AGBL4: variants seen among roughly 807,000 people sequenced by gnomAD.
AGBL4 encodes the protein cytosolic carboxypeptidase 6.
A neutral mutation model predicts 66.4 loss-of-function variants in AGBL4; 58 were observed. The observed-to-expected ratio is 0.87, with a 90% confidence interval of 0.71 to 1.09. The LOEUF is 1.09. Ranked by LOEUF, AGBL4 falls within the 50% of genes least tolerant of loss-of-function variation. AGBL4 has a pLI of 0.00. For missense variants in AGBL4, 579 were observed against 631.0 expected, an observed-to-expected ratio of 0.92 and a Z score of 0.88; for synonymous variants, 234 against 222.9, an observed-to-expected ratio of 1.05 and a Z score of -0.44.
chr1:48,590,559 AC>A (rs1290293910), intron 10 of AGBL4, among the ~76,000 whole-genome samples: 1 of 152,148 alleles, frequency 6.6e-6, no homozygotes, highest in Non-Finnish European at 1.5e-5. Context: ...CTGTCTCAAA[AC>A]AAAACAAAAC....
intron 3 of AGBL4, among the ~76,000 whole-genome samples, chr1:49,336,323 A>T (rs951378937): frequency 6.6e-6 from 1 of 152,202 alleles, no homozygotes; most frequent in Non-Finnish European, 1.5e-5. Flanking sequence ...AATTCCATCT[A>T]TTTAGACTTT....
chr1:48,896,688 T>C (rs1185316805), intron 5 of AGBL4, among the ~76,000 whole-genome samples: 1 of 152,126 alleles, frequency 6.6e-6, no homozygotes, highest in Non-Finnish European at 1.5e-5. Context: ...GCAGGTGTGG[T>C]GCTACCTCAG....
At chr1:49,369,003 G>C (rs1644291143) in intron 3 of AGBL4, among the ~76,000 whole-genome samples, 1 of 151,996 alleles carries the variant, frequency 6.6e-6, no homozygotes, top group Non-Finnish European at 1.5e-5. Flanking sequence ...TGAACCTGGT[G>C]GGGGCGGAGG....
intron 6 of AGBL4, among the ~76,000 whole-genome samples, chr1:48,742,946 G>T (rs1934393): frequency 2.0e-5 from 3 of 152,032 alleles, no homozygotes; most frequent in South Asian, 2.1e-4. Context: ...AATGTCACAA[G>T]GGAAAAGGTG....
intron 3 of AGBL4, among the ~76,000 whole-genome samples, chr1:49,682,528 T>C (rs1251403350): frequency 1.3e-5 from 2 of 152,236 alleles, no homozygotes; most frequent in African/African-American, 4.8e-5. Context: ...GCTTATTCAA[T>C]GTAGGTCATT....
At chr1:49,017,831 T>C (rs142310068) in intron 5 of AGBL4, among the ~76,000 whole-genome samples, 78 of 152,304 alleles carry the variant, frequency 5.1e-4, no homozygotes, top group African/African-American at 1.8e-3. Flanking sequence ...GCACTAACCC[T>C]GGGGAAACTT....
chr1:49,702,877 T>A (rs1647126543), intron 2 of AGBL4, among the ~76,000 whole-genome samples: 1 of 151,930 alleles, frequency 6.6e-6, no homozygotes, highest in South Asian at 2.1e-4. Context: ...ATAAAAAAAA[T>A]CTGACAAAAT....
intron 4 of AGBL4, among the ~76,000 whole-genome samples, chr1:49,194,638 G>C (rs1380545971): frequency 3.3e-5 from 5 of 152,062 alleles, no homozygotes; most frequent in African/African-American, 1.2e-4. Flanking sequence ...TGTCACCCAG[G>C]TGGGATGGAG....
In AGBL4 at chr1:49,651,720, TCAAA is replaced by T. The variant is rs546255470; in HGVS notation, c.282+45589_282+45592del. On this transcript the variant is annotated intron_variant, in intron 3 of 13. Coordinates refer to ENST00000371839, the MANE Select transcript of AGBL4 (RefSeq NM_032785.4). ...CAAATTAAAAAAAAAGAAATCCCAC[TCAAA>T]CAACAGCAAATTCAAAATAAGAAGT... Among the ~76,000 whole-genome samples, 171 of 151,808 alleles carry T rather than the reference TCAAA, an allele frequency of 1.1e-3. 1 individual carries two copies. The highest frequency in any genetic ancestry group is 4.0e-3 in the African/African-American group (167 of 41,402).
At chr1:49,914,470 T>C (rs1386455676) in intron 1 of AGBL4, among the ~76,000 whole-genome samples, 2 of 152,206 alleles carry the variant, frequency 1.3e-5, no homozygotes, top group East Asian at 1.9e-4. Flanking sequence ...TGTCTATATA[T>C]CTACCAAAAT....
At chr1:48,828,070 C>A (rs1231247885) in intron 6 of AGBL4, among the ~76,000 whole-genome samples, 4 of 149,880 alleles carry the variant, frequency 2.7e-5, no homozygotes, top group African/African-American at 9.8e-5. Context: ...GTGGTATGCA[C>A]CTGTAGTCCC....
At chr1:48,926,022 G>C (rs1305558355) in intron 5 of AGBL4, among the ~76,000 whole-genome samples, 5 of 152,192 alleles carry the variant, frequency 3.3e-5, no homozygotes, top group Non-Finnish European at 7.3e-5. Context: ...CCTGTGGTTA[G>C]ATGAATGAGG....
intron 1 of AGBL4, among the ~76,000 whole-genome samples, chr1:49,964,206 A>G (rs1390525944): frequency 1.3e-5 from 2 of 152,114 alleles, no homozygotes; most frequent in Non-Finnish European, 2.9e-5. Context: ...CATATAATGT[A>G]ATGGTGAAGA....
At chr1:49,062,971 G>A (rs968252560) in intron 4 of AGBL4, among the ~76,000 whole-genome samples, 3 of 152,114 alleles carry the variant, frequency 2.0e-5, no homozygotes, top group Non-Finnish European at 2.9e-5. Context: ...CTGAATTCAT[G>A]TATTTCACAA....
chr1:49,768,615 T>C (rs1406379312), intron 2 of AGBL4, among the ~76,000 whole-genome samples: 1 of 152,090 alleles, frequency 6.6e-6, no homozygotes, highest in African/African-American at 2.4e-5. Flanking sequence ...AGAACCAGAA[T>C]GCGACAAGGA....
chr1:49,057,965 T>C (rs1644336229), intron 4 of AGBL4, among the ~76,000 whole-genome samples: 1 of 152,150 alleles, frequency 6.6e-6, no homozygotes, highest in Admixed American at 6.5e-5. Context: ...CATTTCTAGG[T>C]CCATGATTGG....
chr1:49,124,944 A>G (rs1263036627), intron 4 of AGBL4, among the ~76,000 whole-genome samples: 2 of 152,232 alleles, frequency 1.3e-5, no homozygotes, highest in Non-Finnish European at 2.9e-5. Flanking sequence ...TATGTTTGCT[A>G]GTCTCTTGAG....
intron 5 of AGBL4, among the ~76,000 whole-genome samples, chr1:48,971,973 T>C (rs1658944926): frequency 6.6e-6 from 1 of 152,196 alleles, no homozygotes; most frequent in African/African-American, 2.4e-5. Context: ...TTTCTCCATC[T>C]ATGCAGGCCT....
intron 6 of AGBL4, among the ~76,000 whole-genome samples, chr1:48,705,200 T>C (rs1312850109): frequency 6.6e-6 from 1 of 152,106 alleles, no homozygotes; most frequent in Non-Finnish European, 1.5e-5. Context: ...AACTTCTATA[T>C]TAATTTTAAA....
Sources: allele counts gnomAD v4.1 joint callset (sites outside exome capture counted in the v4.1 genomes callset), GRCh38; gene constraint gnomAD v4.1.1; transcripts MANE v1.5; gene names NCBI Gene and HGNC (gene_info 2026-07-23, HGNC 2026-07-21).